Variants in VPS13C observed in about 807,000 individuals in gnomAD.
VPS13C encodes intermembrane lipid transfer protein VPS13C.
A neutral mutation model predicts 456.8 loss-of-function variants in VPS13C; 358 were observed. The observed-to-expected ratio is 0.78, with a 90% CI of 0.72 to 0.86. VPS13C has a LOEUF of 0.86. VPS13C is among the 40% of genes least tolerant of loss of function. VPS13C has a pLI of 0.00. For missense variants in VPS13C, 4,818 were observed against 4,385.4 expected (o/e 1.10, Z -2.79); for synonymous variants, 1,578 against 1,486.7 (o/e 1.06, Z -1.41).
At chr15:61,955,056 A>G (rs1173160291) in intron 37 of VPS13C, among the ~76,000 whole-genome samples, 1 of 152,160 alleles carries the variant, frequency 6.6e-6, no homozygotes, top group Non-Finnish European at 1.5e-5. Context: ...AGGGCCTCTT[A>G]TGCCATATTA....
chr15:61,875,219 T>C (rs1449144786), intron 76 of VPS13C, among the ~76,000 whole-genome samples: 2 of 152,082 alleles, frequency 1.3e-5, no homozygotes, highest in African/African-American at 4.8e-5. Flanking sequence ...GAAGTTGGCC[T>C]CCCAGAACTA....
At chr15:62,020,683 T>C (rs2047431096) in intron 8 of VPS13C, 145 bp from the exon 9 acceptor site, 2 of 637,750 alleles carry the variant, frequency 3.1e-6, no homozygotes, top group Non-Finnish European at 5.2e-6. Flanking sequence ...GGGAAGGAGG[T>C]AATAACATGG....
At chr15:62,009,765 G>C (rs1384596129) in intron 13 of VPS13C, among the ~76,000 whole-genome samples, 1 of 152,070 alleles carries the variant, frequency 6.6e-6, no homozygotes, top group Non-Finnish European at 1.5e-5. Flanking sequence ...AACTCTCTGG[G>C]CATATAACCA....
At chr15:61,925,620 T>C (rs2043823007) in intron 52 of VPS13C, 72 bp from the exon 53 acceptor site, 10 of 1,091,426 alleles carry the variant, frequency 9.2e-6, no homozygotes, top group Middle Eastern at 2.6e-4. Context: ...ACAAGAACCA[T>C]GTCTTACTTA....
intron 51 of VPS13C, 116 bp downstream of exon 51, chr15:61,929,385 G>A: frequency 7.5e-7 from 1 of 1,333,442 alleles, no homozygotes; most frequent in South Asian, 1.6e-5. Context: ...TATAGAATAT[G>A]TTTAAATATA....
chr15:61,918,333 T>G, intron 58 of VPS13C, 76 bp from the exon 59 acceptor site: 1 of 1,312,888 alleles, frequency 7.6e-7, no homozygotes, highest in Non-Finnish European at 1.0e-6. Flanking sequence ...CACAAACAAA[T>G]ACTTTTAGAT....
At chr15:61,985,680 A>G (rs1390369037) in intron 18 of VPS13C, among the ~76,000 whole-genome samples, 6 of 152,250 alleles carry the variant, frequency 3.9e-5, no homozygotes, top group Non-Finnish European at 5.9e-5. Flanking sequence ...TGGCTGAAGG[A>G]AAGAAACCTG....
intron 1 of VPS13C, among the ~76,000 whole-genome samples, chr15:62,055,065 A>G (rs2048741773): frequency 6.6e-6 from 1 of 152,246 alleles, no homozygotes; most frequent in African/African-American, 2.4e-5. Flanking sequence ...TGCTTAAACT[A>G]CTTTTAAAAA....
At chr15:62,010,415 T>A in intron 13 of VPS13C, 57 bp downstream of exon 13, 1 of 1,436,592 alleles carries the variant, frequency 7.0e-7, no homozygotes, top group East Asian at 2.6e-5. Context: ...TAATCACAAA[T>A]AAAAGCAGTC....
chr15:61,965,672 C>T (rs1313644879), intron 30 of VPS13C, among the ~76,000 whole-genome samples: 1 of 151,820 alleles, frequency 6.6e-6, no homozygotes, highest in East Asian at 1.9e-4. Flanking sequence ...ACATTTTGCC[C>T]CTCTTACTCT....
chr15:61,999,123 A>G (rs1220541029), intron 16 of VPS13C, among the ~76,000 whole-genome samples: 1 of 152,198 alleles, frequency 6.6e-6, no homozygotes, highest in Non-Finnish European at 1.5e-5. Flanking sequence ...TCATGCCTGT[A>G]ATCCCAGCAC....
chr15:61,927,285 T>G lies in VPS13C; in HGVS notation c.6322A>C (p.Met2108Leu), dbSNP rs779751976. 1 of 1,614,180 alleles carries G rather than the reference T, an allele frequency of 6.2e-7. No homozygotes were observed. The highest frequency in any genetic ancestry group is 8.5e-7 in the Non-Finnish European group (1 of 1,180,016). The part of the protein sequence containing the change: ...SVRPNMTLKA[M>L]ITDPEVVFVA... ...AATACCACTTCTGGATCTGTGATCA[T>G]GGCCTTTAAAGTCATATTTGGTCTA... Residue 2108 changes from methionine (M) to leucine (L), a missense_variant, in exon 52 of 85, where the codon ATG becomes CTG. By Grantham distance (15) the Met-to-Leu change is conservative. Coordinates refer to ENST00000644861, the MANE Select transcript of VPS13C (RefSeq NM_020821.3).
At chr15:62,030,876 G>A (rs574661753) in intron 5 of VPS13C, among the ~76,000 whole-genome samples, 3 of 152,094 alleles carry the variant, frequency 2.0e-5, no homozygotes, top group African/African-American at 7.2e-5. Flanking sequence ...GATGAAACAA[G>A]GGACTGCCAT....
rs1421610213 is a variant in VPS13C, at chr15:62,023,920, A to G, written c.449-75T>C. 2.1e-6 allele frequency: 3 copies of G among 1,403,052 alleles called. No individual in the cohort carries two copies. The African/African-American group carries it at 4.3e-5, about 20-fold the overall frequency. The allele number at this position is 1,403,052 out of a possible 1,614,324, so 86.9% of individuals were successfully genotyped here. On this transcript the variant is annotated intron_variant, in intron 6 of 84. Transcript: ENST00000644861. ...AGACTACAGGACAGAAAAGAAAACA[A>G]GAGAATTTTTCCTAACAGCAAATTT...
intron 1 of VPS13C, among the ~76,000 whole-genome samples, chr15:62,056,714 T>G (rs1195519549): frequency 1.3e-5 from 2 of 152,196 alleles, no homozygotes; most frequent in Non-Finnish European, 2.9e-5. Context: ...GTCACGCTCC[T>G]AGTCCGCCTT....
intron 66 of VPS13C, among the ~76,000 whole-genome samples, chr15:61,891,774 G>T (rs188436735): frequency 2.6e-5 from 4 of 152,254 alleles, no homozygotes; most frequent in Non-Finnish European, 5.9e-5. Context: ...AACAGAGGGT[G>T]ATAACGCCAA....
chr15:62,002,370 GTTT>G (rs926462131), intron 15 of VPS13C, among the ~76,000 whole-genome samples: 28 of 152,018 alleles, frequency 1.8e-4, no homozygotes, highest in Non-Finnish European at 2.9e-5. Flanking sequence ...GGGGTTGTTT[GTTT>G]TTTTCTTGTA....
At chr15:61,928,703 A>T (rs1388649494) in intron 51 of VPS13C, among the ~76,000 whole-genome samples, 1 of 152,044 alleles carries the variant, frequency 6.6e-6, no homozygotes. Flanking sequence ...AACATGGCGA[A>T]GCCCCATGTT....
rs372964500 is a variant in VPS13C, at chr15:62,007,345, T to C, written c.1253A>G (p.Gln418Arg). The C allele has an allele frequency of 6.2e-7, 1 of 1,611,146 alleles. No homozygotes were observed. The highest frequency in any genetic ancestry group is 8.5e-7 in the Non-Finnish European group (1 of 1,178,962). ...YKIAYKNKLT[Q>R]SKVSEEIQKE... ...CTGTATTTCTTCTGAGACTTTAGAC[T>C]GTGTTAACTTGTTTTTGTAGGCAAT... The change falls in exon 15 of 85, where the codon CAG (glutamine) becomes CGG (arginine). Residue 418 changes from glutamine (Q) to arginine (R), a missense_variant. Physicochemically the swap from Gln to Arg is conservative, Grantham distance 43. This residue lies in a region of VPS13C where 4,552 missense variants were observed against 4,130.6 expected (regional missense o/e 1.10). Transcript: ENST00000644861.
Sources: gnomAD v4.1 joint callset for allele counts (sites outside exome capture counted in the v4.1 genomes callset) on GRCh38, gnomAD v4.1.1 for gene constraint, gnomAD v4.1.1 regional missense constraint, MANE v1.5 for transcripts, NCBI Gene and HGNC (gene_info 2026-07-23, HGNC 2026-07-21) for gene names.